TBC1D8B: variants seen among roughly 807,000 people sequenced by gnomAD.
TBC1D8B encodes the protein RP11-321G1.1.
In TBC1D8B, 75 loss-of-function variants were observed where a neutral mutation model predicts 82.9. The ratio of observed to expected loss-of-function variants is 0.90; its 90% CI spans 0.75 to 1.10. The LOEUF (loss-of-function observed/expected upper bound fraction) is 1.10. Among genes scored for constraint, TBC1D8B ranks in the 50% least tolerant of loss-of-function variants. The probability of loss-of-function intolerance (pLI) is 0.00; values close to 1 mark genes in which losing one functional copy is unlikely to be tolerated. For synonymous variants in TBC1D8B, 276 were observed against 276.8 expected (o/e 1.00, Z 0.03); for missense variants, 794 against 796.9 (o/e 1.00, Z 0.04).
chrX:106,822,270 A>C, intron 4 of TBC1D8B, 68 bp downstream of exon 4: 3 of 857,324 alleles, frequency 3.5e-6, no homozygotes, highest in Non-Finnish European at 3.3e-6. Context: ...TAATGATGTT[A>C]GGTTGTAAAT....
At chrX:106,813,044 G>C (rs896345437) in intron 1 of TBC1D8B, among the ~76,000 whole-genome samples, 7 of 111,057 alleles carry the variant, frequency 6.3e-5, no homozygotes, top group Non-Finnish European at 1.1e-4. Flanking sequence ...TTTTAATAGA[G>C]ACAGGGCTTC....
chrX:106,837,902 G>A (rs1932211177), intron 7 of TBC1D8B, among the ~76,000 whole-genome samples: 2 of 111,533 alleles, frequency 1.8e-5, no homozygotes, highest in Non-Finnish European at 3.8e-5. Flanking sequence ...GCTATTTTGA[G>A]TAGTGCTGCA....
intron 1 of TBC1D8B, among the ~76,000 whole-genome samples, chrX:106,809,591 G>C (rs1310545087): frequency 2.7e-5 from 3 of 111,094 alleles, no homozygotes; most frequent in African/African-American, 9.8e-5. Context: ...GAATAAGACA[G>C]GAATAGTTCT....
At chrX:106,812,238 T>G (rs185259278) in intron 1 of TBC1D8B, among the ~76,000 whole-genome samples, 235 of 111,778 alleles carry the variant, frequency 2.1e-3, no homozygotes, top group Non-Finnish European at 3.3e-3. Flanking sequence ...ACAAACTTTA[T>G]TGAGCACACT....
intron 7 of TBC1D8B, chrX:106,830,004 G>A (rs1228436902): frequency 9.0e-6 from 1 of 111,359 alleles, no homozygotes; most frequent in Non-Finnish European, 1.9e-5. Context: ...AGAGTGAACA[G>A]GCAACCTACA....
In TBC1D8B at chrX:106,869,521, C is replaced by T. The variant is rs141950074; in HGVS notation, c.2849C>T (p.Ala950Val). The part of the protein sequence containing the change: ...KPANEKEAES[A>V]KHSPEKGKGK... ...GCAAATGAGAAGGAAGCAGAATCAG[C>T]AAAACACAGCCCTGAAAAAGGTACT... The change falls in exon 19 of 21, where the codon GCA becomes GTA. Residue 950 changes from alanine to valine, a missense_variant. Ala to Val is a moderately conservative substitution (Grantham distance 64, BLOSUM62 0). Transcript: ENST00000357242. 6.3e-5 allele frequency: 76 copies of T among 1,204,695 alleles called. No homozygotes were observed. The African/African-American group carries it at 1.0e-3, about 16-fold the overall frequency.
chrX:106,852,535 T>C (rs1932611907), intron 12 of TBC1D8B, among the ~76,000 whole-genome samples: 2 of 111,994 alleles, frequency 1.8e-5, no homozygotes, highest in South Asian at 7.5e-4. Flanking sequence ...CTTCTAGGGT[T>C]TTTATGGTTT....
chrX:106,830,710 C>T (rs1932015583), intron 7 of TBC1D8B, among the ~76,000 whole-genome samples: 1 of 103,397 alleles, frequency 9.7e-6, no homozygotes, highest in Non-Finnish European at 2.0e-5. Flanking sequence ...AAACCAAACA[C>T]CGCATATTCT....
intron 1 of TBC1D8B, among the ~76,000 whole-genome samples, chrX:106,812,293 T>C (rs1931404357): frequency 8.9e-6 from 1 of 111,930 alleles, no homozygotes; most frequent in Admixed American, 9.6e-5. Context: ...GTATTGGCAG[T>C]TTACTAATTA....
At chrX:106,869,824 C>A (rs908428442) in intron 19 of TBC1D8B, among the ~76,000 whole-genome samples, 1 of 111,884 alleles carries the variant, frequency 8.9e-6, no homozygotes, top group Non-Finnish European at 1.9e-5. Context: ...TTGTCTATAT[C>A]CTTTTCAGAT....
At position 106,803,000 on chromosome X, in the gene TBC1D8B, C is replaced by T; in HGVS notation, c.130+17C>T. ...GGCTCACAGGTAAGCTGTGGCCACC[C>T]TACCTGCCTCTGGGCTGTGTTCGCT... On this transcript the variant is annotated intron_variant, in intron 1 of 20. Transcript: ENST00000357242. 3.4e-6 allele frequency: 4 copies of T among 1,185,844 alleles called. No homozygotes were observed. The highest frequency in any genetic ancestry group is 4.5e-6 in the Non-Finnish European group (4 of 884,097).
rs113487148 is a variant in TBC1D8B at position 106,866,053 on chromosome X, CA to C, written c.2662+30del. On this transcript the variant is annotated intron_variant, in intron 16 of 20. Coordinates refer to ENST00000357242, the MANE Select transcript of TBC1D8B (RefSeq NM_017752.3). ...CAATTGGTAAGATGATTTTTTTAAGCAAAAAAAAAAGGTGCTCCTAGAAATA... is the reference window on the plus strand; with the variant it reads ...CAATTGGTAAGATGATTTTTTTAAGCAAAAAAAAAGGTGCTCCTAGAAATA... The C allele has an allele frequency of 6.8e-3, 5,953 of 876,198 alleles. No homozygotes were observed. Among genetic ancestry groups the C allele is most frequent in the Admixed American group, 0.022 (578 of 26,744 alleles). 72.2% of individuals were successfully genotyped at this position (876,198 alleles called of 1,213,427 possible).
Position 106,845,467 on chromosome X carries a change from A to T in TBC1D8B, c.1720-2719A>T, listed in dbSNP as rs779778464. The stretch of plus-strand genomic sequence containing the variant: ...CTTCCCCCTCCCCCCACCCCACAAC[A>T]GTCCCCAGAGTGTGATGTTCCCCTT... On this transcript the variant is annotated intron_variant, in intron 10 of 20. Coordinates refer to ENST00000357242, the MANE Select transcript of TBC1D8B (RefSeq NM_017752.3). Among the ~76,000 whole-genome samples, 108 of 68,400 alleles carry T rather than the reference A, an allele frequency of 1.6e-3. 1 individual carries two copies. The highest frequency in any genetic ancestry group is 6.4e-3 in the African/African-American group (105 of 16,469). 59.4% of individuals were successfully genotyped at this position (68,400 alleles called of 115,157 possible). A position where few individuals can be genotyped will look rare whatever the true frequency, so the allele number is the denominator to read the frequency against.
At chrX:106,813,896 G>A (rs1179209695) in intron 1 of TBC1D8B, 2 of 109,646 alleles carry the variant, frequency 1.8e-5, no homozygotes, top group Non-Finnish European at 3.8e-5. Flanking sequence ...TAGGGTACAT[G>A]TGCACAATGT....
rs1932282227 is a variant in TBC1D8B, at chrX:106,840,653, TGTA to T, written c.1505-16_1505-14del. On this transcript the variant is annotated splice_polypyrimidine_tract_variant and intron_variant, in intron 9 of 20. Transcript: ENST00000357242. ...ATATCCACCTTCTGTTGTATGTTAA[TGTA>T]ATAATCTTCACAGGTGCTGTTAATG... The T allele has an allele frequency of 8.5e-7, 1 of 1,175,498 alleles. No homozygotes were observed. The highest frequency in any genetic ancestry group is 1.2e-6 in the Non-Finnish European group (1 of 864,940).
At chrX:106,836,844 T>C (rs966575485) in intron 7 of TBC1D8B, among the ~76,000 whole-genome samples, 3 of 111,878 alleles carry the variant, frequency 2.7e-5, no homozygotes, top group Non-Finnish European at 5.6e-5. Context: ...GGGAGACATG[T>C]AGATCAATGT....
At chrX:106,839,914 G>A in intron 8 of TBC1D8B, 134 bp from the exon 9 acceptor site, 2 of 584,551 alleles carry the variant, frequency 3.4e-6, no homozygotes, top group South Asian at 3.7e-5. Context: ...TCACCCCTGG[G>A]TGAATACTGA....
intron 10 of TBC1D8B, among the ~76,000 whole-genome samples, chrX:106,842,601 CTCTATCTA>C (rs55764545): frequency 0.31 from 29,424 of 95,093 alleles, 3,845 homozygotes; most frequent in Middle Eastern, 0.36. Flanking sequence ...GGCTAGCTTG[CTCTATCTA>C]TCTATCTATC....
At chrX:106,821,592 C>T (rs1207204008) in intron 3 of TBC1D8B, among the ~76,000 whole-genome samples, 2 of 110,716 alleles carry the variant, frequency 1.8e-5, no homozygotes, top group African/African-American at 3.3e-5. Context: ...TGGTTCTGGC[C>T]GCCGCTGTAG....
Sources: allele counts gnomAD v4.1 joint callset (sites outside exome capture counted in the v4.1 genomes callset), GRCh38; gene constraint gnomAD v4.1.1; transcripts MANE v1.5; gene names NCBI Gene and HGNC (gene_info 2026-07-23, HGNC 2026-07-21).